The following MACROD2 variants were observed in gnomAD, a reference collection of about 807,000 sequenced individuals.
MACROD2 encodes the protein ADP-ribose glycohydrolase MACROD2.
A neutral mutation model predicts 70.4 loss-of-function variants in MACROD2; 36 were observed. The ratio of observed to expected loss-of-function variants is 0.51; its 90% CI spans 0.39 to 0.68. The LOEUF (loss-of-function observed/expected upper bound fraction) is 0.68. Ranked by LOEUF, MACROD2 falls within the 30% of genes least tolerant of loss-of-function variation. The pLI is 0.00. For synonymous variants in MACROD2, 172 were observed against 178.8 expected (o/e 0.96, Z 0.30); for missense variants, 496 against 538.4 (o/e 0.92, Z 0.78).
intron 5 of MACROD2, among the ~76,000 whole-genome samples, chr20:14,828,946 T>C (rs1047251458): frequency 4.7e-5 from 7 of 148,428 alleles, no homozygotes; most frequent in Non-Finnish European, 1.0e-4. Context: ...TCCAGAACTA[T>C]TTTTTCCTTC....
intron 8 of MACROD2, among the ~76,000 whole-genome samples, chr20:15,699,398 T>TTGTC (rs935105116): frequency 2.6e-5 from 4 of 152,142 alleles, no homozygotes; most frequent in African/African-American, 9.7e-5. Flanking sequence ...GTACTGGGTG[T>TTGTC]TGTCTGCACA....
At chr20:15,178,735 A>G (rs928857175) in intron 5 of MACROD2, among the ~76,000 whole-genome samples, 10 of 152,230 alleles carry the variant, frequency 6.6e-5, no homozygotes, top group African/African-American at 2.4e-4. Flanking sequence ...TGTGCATGGC[A>G]GAATAAAATG....
intron 6 of MACROD2, among the ~76,000 whole-genome samples, chr20:15,253,204 G>T (rs900283635): frequency 2.0e-5 from 3 of 152,118 alleles, no homozygotes; most frequent in Admixed American, 6.5e-5. Flanking sequence ...GCTTCGGTGT[G>T]GCTACCACTG....
At chr20:15,288,557 C>T (rs958390008) in intron 6 of MACROD2, among the ~76,000 whole-genome samples, 6 of 152,108 alleles carry the variant, frequency 3.9e-5, no homozygotes, top group Non-Finnish European at 8.8e-5. Flanking sequence ...TCTAATTGGT[C>T]GAAGGCTTAG....
intron 6 of MACROD2, among the ~76,000 whole-genome samples, chr20:15,400,201 T>C (rs1006947323): frequency 1.3e-5 from 2 of 152,236 alleles, no homozygotes; most frequent in African/African-American, 4.8e-5. Flanking sequence ...TAAATAGATT[T>C]TCTGTAGTGT....
intron 5 of MACROD2, among the ~76,000 whole-genome samples, chr20:15,093,134 G>A (rs924172103): frequency 2.6e-5 from 4 of 152,056 alleles, no homozygotes; most frequent in South Asian, 2.1e-4. Context: ...AAACAAAAGC[G>A]AAATAAAATT....
intron 8 of MACROD2, among the ~76,000 whole-genome samples, chr20:15,858,337 G>A (rs966969319): frequency 6.6e-6 from 1 of 152,098 alleles, no homozygotes; most frequent in Non-Finnish European, 1.5e-5. Flanking sequence ...CATTCTTATA[G>A]GTTCTCATGA....
At chr20:14,542,634 C>T (rs76120243) in intron 4 of MACROD2, among the ~76,000 whole-genome samples, 11,806 of 152,154 alleles carry the variant, frequency 0.078, 754 homozygotes, top group South Asian at 0.3. Context: ...GAGAATTTTT[C>T]TGTGTCTGAA....
chr20:14,537,990 C>A (rs925677800), intron 4 of MACROD2, among the ~76,000 whole-genome samples: 1 of 152,160 alleles, frequency 6.6e-6, no homozygotes, highest in Admixed American at 6.5e-5. Context: ...CTTAATTGAC[C>A]TAATAGCAAT....
At chr20:15,170,027 A>C (rs770153278) in intron 5 of MACROD2, among the ~76,000 whole-genome samples, 1 of 152,266 alleles carries the variant, frequency 6.6e-6, no homozygotes, top group Non-Finnish European at 1.5e-5. Flanking sequence ...AGCAACATGC[A>C]AAACACGGCC....
At chr20:15,140,462 A>G (rs1364245052) in intron 5 of MACROD2, among the ~76,000 whole-genome samples, 1 of 152,182 alleles carries the variant, frequency 6.6e-6, no homozygotes, top group African/African-American at 2.4e-5. Flanking sequence ...ATTGTTGGCC[A>G]GTGGAGCAGC....
chr20:16,003,078 C>CACACACA (rs2066734238), intron 15 of MACROD2, among the ~76,000 whole-genome samples: 5 of 129,992 alleles, frequency 3.8e-5, no homozygotes, highest in African/African-American at 1.2e-4. Flanking sequence ...ACCCACCCAC[C>CACACACA]CACCCACACA....
At chr20:14,999,430 AG>A (rs1300020393) in intron 5 of MACROD2, among the ~76,000 whole-genome samples, 1 of 152,178 alleles carries the variant, frequency 6.6e-6, no homozygotes, top group Non-Finnish European at 1.5e-5. Flanking sequence ...AGGCTGATGT[AG>A]GATGATGGCT....
chr20:14,802,018 G>A (rs2072582281), intron 5 of MACROD2, among the ~76,000 whole-genome samples: 1 of 151,968 alleles, frequency 6.6e-6, no homozygotes, highest in Non-Finnish European at 1.5e-5. Flanking sequence ...GAAACATCAG[G>A]AACATAGCAG....
At chr20:14,958,621 A>G (rs1261313163) in intron 5 of MACROD2, among the ~76,000 whole-genome samples, 1 of 152,156 alleles carries the variant, frequency 6.6e-6, no homozygotes, top group African/African-American at 2.4e-5. Context: ...CTACTCTTGC[A>G]TGTTCCCCAT....
chr20:14,261,193 A>C lies in MACROD2; in HGVS notation c.271+175465A>C, dbSNP rs553623600. 2.6e-5 allele frequency among the ~76,000 whole-genome samples: 4 copies of C among 152,334 alleles called. No individual in the cohort carries two copies. In the East Asian group the frequency reaches 7.7e-4, roughly 29 times the overall value. On this transcript the variant is annotated intron_variant, in intron 3 of 17. Coordinates refer to ENST00000684519, the MANE Select transcript of MACROD2 (RefSeq NM_001351661.2). Reference sequence around the variant, plus strand: ...GAGGTGTTTAGCTGATGAGAAAATAAAGAGAAAAAAAGGGGAAGCTATTGT... The same window carrying C: ...GAGGTGTTTAGCTGATGAGAAAATACAGAGAAAAAAAGGGGAAGCTATTGT...
chr20:15,336,068 C>G (rs2078044929), intron 6 of MACROD2, among the ~76,000 whole-genome samples: 1 of 151,630 alleles, frequency 6.6e-6, no homozygotes, highest in South Asian at 2.1e-4. Flanking sequence ...TTCTCAATAT[C>G]TCAGACAATC....
chr20:14,803,909 C>A (rs1034951742), intron 5 of MACROD2, among the ~76,000 whole-genome samples: 1 of 152,018 alleles, frequency 6.6e-6, no homozygotes, highest in Admixed American at 6.6e-5. Context: ...AAAAATAACT[C>A]TCTCCTTATC....
chr20:15,348,774 C>T (rs369820776), intron 6 of MACROD2, among the ~76,000 whole-genome samples: 6 of 151,988 alleles, frequency 3.9e-5, no homozygotes, highest in Admixed American at 3.9e-4. Context: ...AGACCTGCCC[C>T]CGTGTTTCAG....
Sources: allele counts gnomAD v4.1 joint callset (sites outside exome capture counted in the v4.1 genomes callset), GRCh38; gene constraint gnomAD v4.1.1; transcripts MANE v1.5; gene names NCBI Gene and HGNC (gene_info 2026-07-23, HGNC 2026-07-21).